Variants in LYN observed in about 807,000 individuals in gnomAD.
LYN encodes tyrosine-protein kinase Lyn.
In LYN, 12 loss-of-function variants were observed where a neutral mutation model predicts 65.0. The ratio of observed to expected loss-of-function variants is 0.18; its 90% CI spans 0.12 to 0.30. The LOEUF is 0.30. LYN is among the 10% of genes least tolerant of loss of function. The pLI, the probability that LYN is intolerant of heterozygous loss-of-function variation, is 1.00. For missense variants in LYN, 380 were observed against 623.2 expected (o/e 0.61, Z 4.16); for synonymous variants, 222 against 221.2 (o/e 1.00, Z -0.03).
At chr8:55,934,912 T>A (rs1352106386) in intron 1 of LYN, among the ~76,000 whole-genome samples, 1 of 152,150 alleles carries the variant, frequency 6.6e-6, no homozygotes, top group South Asian at 2.1e-4. Context: ...TTCTCCTAAA[T>A]CATATCCTCC....
At chr8:55,961,184 G>A (rs1026974068) in intron 8 of LYN, among the ~76,000 whole-genome samples, 16 of 152,218 alleles carry the variant, frequency 1.1e-4, no homozygotes, top group African/African-American at 2.9e-4. Flanking sequence ...TGGTACGTGG[G>A]CACTTTTTAG....
chr8:55,899,726 T>C (rs1414472672), intron 1 of LYN, among the ~76,000 whole-genome samples: 1 of 152,202 alleles, frequency 6.6e-6, no homozygotes, highest in Admixed American at 6.5e-5. Flanking sequence ...CTCAGTTCAC[T>C]GCAACCTCTG....
chr8:55,951,067 A>T (rs555143609), intron 6 of LYN, among the ~76,000 whole-genome samples: 15 of 151,950 alleles, frequency 9.9e-5, no homozygotes, highest in African/African-American at 3.6e-4. Flanking sequence ...ACACAGCAAG[A>T]CCCCATCTCT....
At chr8:55,892,283 G>A (rs554594729) in intron 1 of LYN, among the ~76,000 whole-genome samples, 2 of 152,122 alleles carry the variant, frequency 1.3e-5, no homozygotes, top group South Asian at 2.1e-4. Context: ...AGCCAGGTGT[G>A]GTGGCACACA....
chr8:55,973,767 T>C lies in LYN; in HGVS notation c.1050+3974T>C, dbSNP rs138904288. The stretch of plus-strand genomic sequence containing the variant: ...TTACTAAAAATGGAACAATTGTTTG[T>C]GAGTTAAATGTCAGTAAAAACTGCA... On this transcript the variant is annotated intron_variant, in intron 10 of 12. Coordinates refer to ENST00000519728, the MANE Select transcript of LYN (RefSeq NM_002350.4). 4.0e-4 allele frequency among the ~76,000 whole-genome samples: 61 copies of C among 152,344 alleles called. 1 individual carries two copies. Among genetic ancestry groups the C allele is most frequent in the African/African-American group, 1.4e-3 (59 of 41,568 alleles).
chr8:55,904,338 A>T (rs555211173), intron 1 of LYN, among the ~76,000 whole-genome samples: 2 of 118,268 alleles, frequency 1.7e-5, no homozygotes, highest in South Asian at 5.4e-4. Context: ...TTAGAATATG[A>T]TATGAAATAT....
intron 10 of LYN, among the ~76,000 whole-genome samples, chr8:55,991,319 C>T (rs1431550960): frequency 3.9e-5 from 6 of 152,204 alleles, no homozygotes; most frequent in Non-Finnish European, 7.3e-5. Context: ...TTACTTCTCT[C>T]TTTCTCTGGT....
chr8:55,920,376 G>GCAA (rs1805909939), intron 1 of LYN, among the ~76,000 whole-genome samples: 1 of 152,038 alleles, frequency 6.6e-6, no homozygotes, highest in South Asian at 2.1e-4. Context: ...GAATGTCACA[G>GCAA]CAACATTTCT....
At chr8:55,915,816 G>A (rs78396160) in intron 1 of LYN, among the ~76,000 whole-genome samples, 3,269 of 151,940 alleles carry the variant, frequency 0.022, 42 homozygotes, top group Non-Finnish European at 0.03. Context: ...AGAGAGAGAA[G>A]AGAGAAAGAG....
At chr8:55,883,504 C>T (rs762406207) in intron 1 of LYN, among the ~76,000 whole-genome samples, 4 of 152,116 alleles carry the variant, frequency 2.6e-5, no homozygotes, top group African/African-American at 7.2e-5. Context: ...AAGATGACAC[C>T]TATACTGGCT....
chr8:55,977,029 A>C (rs556544810), intron 10 of LYN, among the ~76,000 whole-genome samples: 1 of 152,176 alleles, frequency 6.6e-6, no homozygotes, highest in Admixed American at 6.5e-5. Flanking sequence ...TACTAAAAAT[A>C]CAAAAGTTAG....
At chr8:55,887,573 T>TACACACACAC (rs1173683572) in intron 1 of LYN, among the ~76,000 whole-genome samples, 4 of 42,580 alleles carry the variant, frequency 9.4e-5, no homozygotes, top group African/African-American at 3.5e-4. Context: ...TATATATATA[T>TACACACACAC]ATACACACAC....
chr8:55,919,639 G>A (rs1410727183), intron 1 of LYN, among the ~76,000 whole-genome samples: 1 of 152,178 alleles, frequency 6.6e-6, no homozygotes, highest in Non-Finnish European at 1.5e-5. Flanking sequence ...ACCCATGCCC[G>A]TGGGAACAAG....
At chr8:55,999,328 G>C in intron 11 of LYN, 90 bp from the exon 12 acceptor site, 1 of 1,179,546 alleles carries the variant, frequency 8.5e-7, no homozygotes, top group Middle Eastern at 2.1e-4. Context: ...CTCAAAAAAA[G>C]AAAAGAAAAG....
intron 10 of LYN, 48 bp from the exon 11 acceptor site, chr8:55,998,298 C>T (rs765089783): frequency 6.6e-7 from 1 of 1,512,072 alleles, no homozygotes; most frequent in South Asian, 1.2e-5. Flanking sequence ...TGGCACTTTC[C>T]AGTCACCTAC....
chr8:55,989,727 G>A lies in LYN; in HGVS notation c.1051-8619G>A, dbSNP rs566089364. On this transcript the variant is annotated intron_variant, in intron 10 of 12. Transcript: ENST00000519728. ...CATCAATTTAGAGGTTTATTTTGCCGAGGTTGAGGACCATGGCTCATGACA... is the reference window on the plus strand; with the variant it reads ...CATCAATTTAGAGGTTTATTTTGCCAAGGTTGAGGACCATGGCTCATGACA... 2.3e-4 allele frequency among the ~76,000 whole-genome samples: 35 copies of A among 152,268 alleles called. No individual in the cohort carries two copies. In the South Asian group the frequency reaches 6.2e-3, roughly 27 times the overall value.
rs369256669 is a variant in LYN, at chr8:55,909,010, TACACACACACACACACACACACACACAC to T, written c.-6+28922_-6+28949del. Among the ~76,000 whole-genome samples, 78 of 32,250 alleles carry T rather than the reference TACACACACACACACACACACACACACAC, an allele frequency of 2.4e-3. 13 individuals are homozygous for T. Among genetic ancestry groups the T allele is most frequent in the African/African-American group, 8.3e-3 (72 of 8,720 alleles). 21.2% of individuals were successfully genotyped at this position (32,250 alleles called of 152,430 possible). Reference sequence around the variant, plus strand: ...GTATGTATATATATATATATATATATACACACACACACACACACACACACACACACACACACACACACCCCACATTTTC... The same window carrying T: ...GTATGTATATATATATATATATATATACACACACACACACCCCACATTTTC... On this transcript the variant is annotated intron_variant, in intron 1 of 12. Coordinates refer to ENST00000519728, the MANE Select transcript of LYN (RefSeq NM_002350.4).
chr8:55,888,978 G>A (rs1447407884), intron 1 of LYN, among the ~76,000 whole-genome samples: 5 of 152,128 alleles, frequency 3.3e-5, no homozygotes, highest in East Asian at 1.9e-4. Context: ...GATGCCCAAT[G>A]TATGTAACAA....
chr8:55,974,208 T>C (rs1186170364), intron 10 of LYN, among the ~76,000 whole-genome samples: 2 of 152,254 alleles, frequency 1.3e-5, no homozygotes, highest in Admixed American at 1.3e-4. Flanking sequence ...TGCAGCCTGC[T>C]GTTGTCTCAT....
Sources: allele counts gnomAD v4.1 joint callset (sites outside exome capture counted in the v4.1 genomes callset), GRCh38; gene constraint gnomAD v4.1.1; transcripts MANE v1.5; gene names NCBI Gene and HGNC (gene_info 2026-07-23, HGNC 2026-07-21).